Variants in IPO11 observed in about 807,000 individuals in gnomAD.
The protein encoded by IPO11 is importin 11.
Under a neutral mutation model 143.2 loss-of-function variants are expected in IPO11, and 66 were observed. The ratio of observed to expected loss-of-function variants is 0.46; its 90% CI spans 0.38 to 0.57. The LOEUF (loss-of-function observed/expected upper bound fraction) is 0.57. Among genes scored for constraint, IPO11 ranks in the 20% least tolerant of loss-of-function variants. IPO11 has a pLI of 0.00. For missense variants in IPO11, 1,026 were observed against 1,141.0 expected (o/e 0.90, Z 1.45); for synonymous variants, 385 against 377.8 (o/e 1.02, Z -0.22).
intron 12 of IPO11, among the ~76,000 whole-genome samples, chr5:62,487,208 G>A (rs1333904540): frequency 6.6e-6 from 1 of 152,074 alleles, no homozygotes; most frequent in Non-Finnish European, 1.5e-5. Flanking sequence ...TTTGTTAAGA[G>A]AAAGGCTACT....
rs1485748687 is a variant in IPO11, at chr5:62,443,105, A to G, written c.239+22A>G. On this transcript the variant is annotated intron_variant, in intron 3 of 29. Transcript: ENST00000325324. ...CTCAGTAAGTTCCATCACTTCCCCT[A>G]TTCCTTGAGTATAATCCTTCCCAAA... The G allele has an allele frequency of 4.9e-6, 7 of 1,442,682 alleles. No individual in the cohort carries two copies. The Admixed American group carries it at 5.4e-5, about 11-fold the overall frequency. 89.4% of individuals were successfully genotyped at this position (1,442,682 alleles called of 1,614,324 possible). A position where few individuals can be genotyped will look rare whatever the true frequency, so the allele number is the denominator to read the frequency against.
chr5:62,483,831 T>G (rs1746301262), intron 10 of IPO11, among the ~76,000 whole-genome samples, 179 bp from the exon 11 acceptor site: 1 of 152,190 alleles, frequency 6.6e-6, no homozygotes, highest in Admixed American at 6.6e-5. Flanking sequence ...GAGGCAAGAT[T>G]GATGTGAGTG....
intron 27 of IPO11, among the ~76,000 whole-genome samples, chr5:62,583,101 A>G (rs1414709211): frequency 6.6e-6 from 1 of 152,164 alleles, no homozygotes; most frequent in Non-Finnish European, 1.5e-5. Context: ...TTTCCTAAGT[A>G]ATTTGTTTTG....
At chr5:62,528,598 G>T (rs565811322) in intron 21 of IPO11, among the ~76,000 whole-genome samples, 46 of 152,268 alleles carry the variant, frequency 3.0e-4, no homozygotes, top group Non-Finnish European at 5.1e-4. Context: ...TTTGGTAGCA[G>T]CTGGGATACT....
intron 24 of IPO11, among the ~76,000 whole-genome samples, chr5:62,544,782 T>C (rs1743096686): frequency 6.6e-6 from 1 of 152,120 alleles, no homozygotes; most frequent in Admixed American, 6.6e-5. Context: ...TATGCAAAAA[T>C]CACAAGCATT....
intron 27 of IPO11, chr5:62,581,175 T>C (rs763641823): frequency 1.3e-6 from 2 of 1,551,224 alleles, no homozygotes; most frequent in Non-Finnish European, 1.7e-6. Flanking sequence ...CAAGGTATAA[T>C]GTAACTGCCT....
chr5:62,477,054 G>A (rs1281014997), intron 9 of IPO11, among the ~76,000 whole-genome samples: 1 of 152,142 alleles, frequency 6.6e-6, no homozygotes, highest in African/African-American at 2.4e-5. Context: ...AGAAAGTGGA[G>A]ATAAAGAAGA....
At chr5:62,498,018 GT>G (rs991349145) in intron 16 of IPO11, among the ~76,000 whole-genome samples, 32 of 148,258 alleles carry the variant, frequency 2.2e-4, no homozygotes, top group Admixed American at 6.0e-4. Context: ...CTTGAATATT[GT>G]TTTTTTTTTT....
intron 16 of IPO11, among the ~76,000 whole-genome samples, chr5:62,497,528 T>C (rs1440317418): frequency 6.6e-6 from 1 of 152,126 alleles, no homozygotes; most frequent in African/African-American, 2.4e-5. Flanking sequence ...ACTGCTATGG[T>C]GAGGTCACGA....
At chr5:62,599,038 A>G (rs1462050270) in intron 28 of IPO11, among the ~76,000 whole-genome samples, 2 of 152,204 alleles carry the variant, frequency 1.3e-5, no homozygotes, top group African/African-American at 4.8e-5. Context: ...ATTAGCATCA[A>G]CATGACGGAG....
chr5:62,451,411 G>A (rs1201024422), intron 4 of IPO11, among the ~76,000 whole-genome samples: 1 of 152,138 alleles, frequency 6.6e-6, no homozygotes, highest in African/African-American at 2.4e-5. Flanking sequence ...TTTAGGGTCT[G>A]GCTATTTAAG....
At chr5:62,420,034 T>C (rs1348057761) in intron 1 of IPO11, among the ~76,000 whole-genome samples, 1 of 152,078 alleles carries the variant, frequency 6.6e-6, no homozygotes, top group Non-Finnish European at 1.5e-5. Context: ...CTCACGCCTG[T>C]AATCTTAGCA....
intron 29 of IPO11, among the ~76,000 whole-genome samples, chr5:62,613,441 TACAGGTGCACACCACC>T (rs1746005675): frequency 6.6e-6 from 1 of 151,272 alleles, no homozygotes; most frequent in East Asian, 2.0e-4. Flanking sequence ...TAGCAGGGAC[TACAGGTGCACACCACC>T]ACACCTGGCT....
chr5:62,486,158 ATT>A (rs1381781206), intron 12 of IPO11, among the ~76,000 whole-genome samples: 2 of 150,996 alleles, frequency 1.3e-5, no homozygotes, highest in Non-Finnish European at 3.0e-5. Context: ...TTTTTTGTTT[ATT>A]TAGTAGAGAC....
At chr5:62,503,599 C>T (rs1207841914) in intron 16 of IPO11, among the ~76,000 whole-genome samples, 2 of 152,026 alleles carry the variant, frequency 1.3e-5, no homozygotes, top group South Asian at 2.1e-4. Context: ...ACTGTCTTTT[C>T]GTGAGGTCAT....
At chr5:62,554,658 T>G (rs1743510463) in intron 26 of IPO11, among the ~76,000 whole-genome samples, 1 of 151,736 alleles carries the variant, frequency 6.6e-6, no homozygotes, top group Admixed American at 6.6e-5. Flanking sequence ...ACCATGCTAT[T>G]TTGGTTACTG....
intron 5 of IPO11, among the ~76,000 whole-genome samples, chr5:62,455,724 C>T (rs1745121497): frequency 6.6e-6 from 1 of 151,312 alleles, no homozygotes; most frequent in African/African-American, 2.4e-5. Context: ...TTTGCAGTAA[C>T]AAAATTGAGC....
chr5:62,456,088 G>C, intron 5 of IPO11, among the ~76,000 whole-genome samples: 1 of 151,790 alleles, frequency 6.6e-6, no homozygotes. Flanking sequence ...GAGTGCAGGT[G>C]CACGACCTTG....
At chr5:62,550,500 C>A in intron 25 of IPO11, 38 bp downstream of exon 25, 2 of 1,324,704 alleles carry the variant, frequency 1.5e-6, no homozygotes, top group South Asian at 1.3e-5. Flanking sequence ...TAGTGTTAGA[C>A]TATAGGATTC....
Sources: allele counts gnomAD v4.1 joint callset (sites outside exome capture counted in the v4.1 genomes callset), GRCh38; gene constraint gnomAD v4.1.1; transcripts MANE v1.5; gene names NCBI Gene and HGNC (gene_info 2026-07-23, HGNC 2026-07-21).